Variants in RANBP17 observed in about 807,000 individuals in gnomAD.
The protein encoded by RANBP17 is ran-binding protein 17.
Under a neutral mutation model 141.2 loss-of-function variants are expected in RANBP17, and 158 were observed. That is an observed-to-expected ratio of 1.12 (90% CI 0.98 to 1.28). The LOEUF is 1.28. RANBP17 is among the 50% of genes most tolerant of loss of function. The pLI is 0.00. For missense variants in RANBP17, 1,438 were observed against 1,290.7 expected, an observed-to-expected ratio of 1.11 and a Z score of -1.75; for synonymous variants, 430 against 450.0, an observed-to-expected ratio of 0.96 and a Z score of 0.56.
chr5:170,917,534 T>C (rs535076787), intron 9 of RANBP17, among the ~76,000 whole-genome samples: 1 of 152,296 alleles, frequency 6.6e-6, no homozygotes, highest in African/African-American at 2.4e-5. Flanking sequence ...TCTTGGTTAT[T>C]AATAAATTTT....
intron 14 of RANBP17, chr5:170,983,196 C>A: frequency 2.3e-6 from 1 of 439,514 alleles, no homozygotes; most frequent in South Asian, 2.2e-5. Flanking sequence ...CGGATAACAG[C>A]TGTGCCTCAG....
chr5:171,285,864 A>G (rs1278888049), intron 25 of RANBP17, among the ~76,000 whole-genome samples: 1 of 152,232 alleles, frequency 6.6e-6, no homozygotes, highest in Non-Finnish European at 1.5e-5. Context: ...GTGCAGTAAC[A>G]TTCAGAATAG....
At chr5:170,964,640 A>G (rs1776410851) in intron 13 of RANBP17, among the ~76,000 whole-genome samples, 1 of 152,094 alleles carries the variant, frequency 6.6e-6, no homozygotes, top group South Asian at 2.1e-4. Flanking sequence ...GAGTGAGAAC[A>G]TGCAGTGTTT....
At chr5:170,879,116 A>G (rs1012759865) in intron 2 of RANBP17, among the ~76,000 whole-genome samples, 6 of 152,248 alleles carry the variant, frequency 3.9e-5, no homozygotes, top group South Asian at 2.1e-4. Flanking sequence ...GCAGATGTTC[A>G]TATGTTAATG....
intron 14 of RANBP17, among the ~76,000 whole-genome samples, chr5:171,120,037 CAAAAAAA>C (rs34991479): frequency 3.0e-5 from 3 of 101,104 alleles, no homozygotes; most frequent in Non-Finnish European, 5.6e-5. Flanking sequence ...AACTTAGTCT[CAAAAAAA>C]AAAAAAAAAA....
intron 7 of RANBP17, 150 bp from the exon 8 acceptor site, chr5:170,914,017 G>A: frequency 1.6e-6 from 1 of 617,892 alleles, no homozygotes; most frequent in Non-Finnish European, 2.9e-6. Context: ...ATCTTTCAAA[G>A]GAAAATAGCT....
intron 25 of RANBP17, among the ~76,000 whole-genome samples, chr5:171,277,466 A>G (rs1035988831): frequency 2.6e-5 from 4 of 151,244 alleles, no homozygotes; most frequent in Non-Finnish European, 4.4e-5. Context: ...ATTCTGTAAC[A>G]GAAGCCTTAT....
chr5:171,228,830 C>T (rs1764029600), intron 22 of RANBP17, among the ~76,000 whole-genome samples: 1 of 152,056 alleles, frequency 6.6e-6, no homozygotes, highest in African/African-American at 2.4e-5. Flanking sequence ...AGCAATAAAA[C>T]ATTTTTAATT....
At chr5:171,041,873 A>G (rs1230488588) in intron 14 of RANBP17, among the ~76,000 whole-genome samples, 1 of 151,922 alleles carries the variant, frequency 6.6e-6, no homozygotes, top group Non-Finnish European at 1.5e-5. Flanking sequence ...TGCATTAGCT[A>G]TTTATCCTGA....
intron 22 of RANBP17, among the ~76,000 whole-genome samples, chr5:171,222,785 C>T (rs1763651366): frequency 1.3e-5 from 2 of 152,044 alleles, no homozygotes; most frequent in African/African-American, 2.4e-5. Context: ...CACGCCACCA[C>T]GCCTGGCTAA....
chr5:171,136,297 A>G (rs181036684), intron 14 of RANBP17, among the ~76,000 whole-genome samples: 1 of 152,192 alleles, frequency 6.6e-6, no homozygotes, highest in African/African-American at 2.4e-5. Context: ...CTCCATTTCA[A>G]GATACCCAAG....
intron 3 of RANBP17, among the ~76,000 whole-genome samples, chr5:170,883,159 T>C (rs1768857182): frequency 6.6e-6 from 1 of 152,212 alleles, no homozygotes; most frequent in African/African-American, 2.4e-5. Context: ...ACTTGCATAC[T>C]TAAGAAAGCA....
intron 12 of RANBP17, among the ~76,000 whole-genome samples, chr5:170,936,149 C>G (rs926942704): frequency 2.0e-5 from 3 of 152,126 alleles, no homozygotes; most frequent in African/African-American, 7.2e-5. Flanking sequence ...TGGAAAAGCG[C>G]AGTATTAGGG....
At chr5:170,975,136 T>G (rs932785956) in intron 14 of RANBP17, among the ~76,000 whole-genome samples, 8 of 152,236 alleles carry the variant, frequency 5.3e-5, no homozygotes, top group Admixed American at 2.6e-4. Flanking sequence ...TTAAGTTCTC[T>G]TTCCTTTTGA....
At chr5:171,253,841 A>G (rs375579595) in intron 24 of RANBP17, among the ~76,000 whole-genome samples, 2 of 152,152 alleles carry the variant, frequency 1.3e-5, no homozygotes, top group East Asian at 1.9e-4. Context: ...AGAGGAGGTA[A>G]ATATCCTTTT....
intron 14 of RANBP17, among the ~76,000 whole-genome samples, chr5:171,121,610 G>C (rs1383867112): frequency 1.3e-5 from 2 of 152,152 alleles, no homozygotes; most frequent in East Asian, 3.9e-4. Context: ...CTGAAGGGCG[G>C]GTTCACACCG....
At chr5:171,052,859 T>C (rs1452168585) in intron 14 of RANBP17, among the ~76,000 whole-genome samples, 1 of 152,218 alleles carries the variant, frequency 6.6e-6, no homozygotes, top group Non-Finnish European at 1.5e-5. Flanking sequence ...ATGAAATGTC[T>C]TTCTTTTTTT....
chr5:171,145,296 C>G (rs1757961945), intron 14 of RANBP17, among the ~76,000 whole-genome samples: 1 of 152,118 alleles, frequency 6.6e-6, no homozygotes, highest in Non-Finnish European at 1.5e-5. Flanking sequence ...AATCAGAATT[C>G]TGGGTAAGCT....
chr5:171,125,350 C>T lies in RANBP17; in HGVS notation c.1711-44780C>T, dbSNP rs554202598. Among the ~76,000 whole-genome samples the T allele has an allele frequency of 2.5e-5, 3 of 122,370 alleles. No individual in the cohort carries two copies. The South Asian group carries it at 8.1e-4, about 33-fold the overall frequency. 80.3% of individuals were successfully genotyped at this position (122,370 alleles called of 152,430 possible). ...GGGATGGAAAAAGATATTCCACACA[C>T]ACAGTAACCAAAAGCTGCCAGAAGG... On this transcript the variant is annotated intron_variant, in intron 14 of 27. Coordinates refer to ENST00000523189, the MANE Select transcript of RANBP17 (RefSeq NM_022897.5).
Sources: allele counts gnomAD v4.1 joint callset (sites outside exome capture counted in the v4.1 genomes callset), GRCh38; gene constraint gnomAD v4.1.1; transcripts MANE v1.5; gene names NCBI Gene and HGNC (gene_info 2026-07-23, HGNC 2026-07-21).